SEMA6B: variants seen among roughly 807,000 people sequenced by gnomAD.
SEMA6B encodes semaphorin 6B, also known as semaphorin-6B.
SEMA6B carries 47 observed loss-of-function variants against 78.6 expected under a neutral mutation model. The ratio of observed to expected loss-of-function variants is 0.60; its 90% CI spans 0.47 to 0.76. SEMA6B has a LOEUF of 0.76. Ranked by LOEUF, SEMA6B falls within the 30% of genes least tolerant of loss-of-function variation. The pLI, the probability that SEMA6B is intolerant of heterozygous loss-of-function variation, is 0.00. For synonymous variants in SEMA6B, 632 were observed against 592.2 expected (o/e 1.07, Z -0.98); for missense variants, 1,213 against 1,269.9 (o/e 0.96, Z 0.68).
Position 4,550,490 on chromosome 19 carries a change from A to G in SEMA6B, c.1122-218T>C, listed in dbSNP as rs911132169. 6.6e-6 allele frequency among the ~76,000 whole-genome samples: 1 copy of G among 151,996 alleles called. No homozygotes were observed. The highest frequency in any genetic ancestry group is 1.5e-5 in the Non-Finnish European group (1 of 67,982). ...GCGATTCTCCTGCTTCAGCCACCCG[A>G]GTGGCTGGGATTACAGGCACGTGCC... On this transcript the variant is annotated intron_variant, in intron 11 of 16. Transcript: ENST00000586582. The surrounding 1 kb of genome is among the most constrained non-coding windows in gnomAD (Gnocchi z 6.6).
Position 4,542,710 on chromosome 19 carries a change from G to A in SEMA6B, c.*891C>T, listed in dbSNP as rs1385160804. ...GGTCAGCTGGAGGTCAGAGGGGGGA[G>A]GTCACAAGGGGACGGGTGGCATGGG... On this transcript the variant is annotated 3_prime_UTR_variant, in exon 17 of 17. Transcript: ENST00000586582. 1 of 679,700 alleles carries A rather than the reference G, an allele frequency of 1.5e-6. No homozygotes were observed. The highest frequency in any genetic ancestry group is 2.7e-6 in the Non-Finnish European group (1 of 370,952). The allele number at this position is 679,700 out of a possible 1,614,324, so 42.1% of individuals were successfully genotyped here. A position where few individuals can be genotyped will look rare whatever the true frequency, so the allele number is the denominator to read the frequency against.
At chr19:4,548,909 C>G (rs1407340240) in intron 12 of SEMA6B, among the ~76,000 whole-genome samples, 1 of 152,212 alleles carries the variant, frequency 6.6e-6, no homozygotes, top group Non-Finnish European at 1.5e-5. Context: ...GATCTCGCCT[C>G]CTGGGTTCAA....
intron 14 of SEMA6B, among the ~76,000 whole-genome samples, chr19:4,547,813 C>T (rs1446766966): frequency 2.6e-5 from 4 of 152,222 alleles, no homozygotes; most frequent in African/African-American, 9.6e-5. Flanking sequence ...TCCCTCACTC[C>T]CCCTTGCTCA....
chr19:4,555,560 T>C lies in SEMA6B; in HGVS notation c.476A>G (p.Asp159Gly), dbSNP rs1198039788. 4.3e-6 allele frequency: 7 copies of C among 1,612,700 alleles called. No homozygotes were observed. The South Asian group carries it at 6.6e-5, about 15-fold the overall frequency. ...FNPVCANYSIDTLQPVGDNIS... is the reference protein window; with the variant it reads ...FNPVCANYSIGTLQPVGDNIS... Reference sequence around the variant, plus strand: ...GTTGTCTCCGACGGGCTGCAGGGTGTCTATCTGCAGGGACCATGGGGCCTG... The same window carrying C: ...GTTGTCTCCGACGGGCTGCAGGGTGCCTATCTGCAGGGACCATGGGGCCTG... Residue 159 changes from aspartate (D) to glycine (G), a missense_variant, in exon 7 of 17, where the codon GAC (aspartate) becomes GGC (glycine). Coordinates refer to ENST00000586582, the MANE Select transcript of SEMA6B (RefSeq NM_032108.4). This position sits in a 1 kb window ranked among gnomAD's most constrained non-coding sequence, Gnocchi z 6.1.
chr19:4,558,087 C>A lies in SEMA6B; in HGVS notation c.184G>T (p.Ala62Ser). 1 of 1,527,954 alleles carries A rather than the reference C, an allele frequency of 6.5e-7. No individual in the cohort carries two copies. The highest frequency in any genetic ancestry group is 8.9e-7 in the Non-Finnish European group (1 of 1,129,370). 94.6% of individuals were successfully genotyped at this position (1,527,954 alleles called of 1,614,324 possible). A position where few individuals can be genotyped will look rare whatever the true frequency, so the allele number is the denominator to read the frequency against. Residue 62 changes from alanine to serine, a missense_variant, in exon 3 of 17, where the codon GCT (alanine) becomes TCT (serine). Physicochemically the swap from Ala to Ser is moderately conservative, Grantham distance 99. Transcript: ENST00000586582. The surrounding 1 kb of genome is among the most constrained non-coding windows in gnomAD (Gnocchi z 5.1). ...GPGRLTPAEG[A>S]DDLNIQRVLR... The stretch of plus-strand genomic sequence containing the variant: ...ACTCGCTGGATGTTGAGGTCGTCAG[C>A]ACCTTCTGCGGGGGTCAGGCGTCCG...
At chr19:4,546,854 G>A (rs1324722859) in intron 14 of SEMA6B, among the ~76,000 whole-genome samples, 1 of 152,082 alleles carries the variant, frequency 6.6e-6, no homozygotes, top group Non-Finnish European at 1.5e-5. Context: ...GACCTCAAGT[G>A]ATCCACCCGC....
Position 4,554,910 on chromosome 19 carries a change from G to C in SEMA6B, c.682+66C>G. On this transcript the variant is annotated intron_variant, in intron 8 of 16. Transcript: ENST00000586582. ...CCTCTGGGACTCTTATTCTGGTGGG[G>C]AGATTTGATGAATGTCAGGTTCTGG... 3 of 1,563,726 alleles carry C rather than the reference G, an allele frequency of 1.9e-6. No homozygotes were observed. The South Asian group carries it at 3.4e-5, about 18-fold the overall frequency.
chr19:4,548,561 C>T, intron 12 of SEMA6B, 116 bp from the exon 13 acceptor site: 1 of 944,868 alleles, frequency 1.1e-6, no homozygotes. Context: ...ACACATGTGA[C>T]AGCAATAAAT....
In SEMA6B at chr19:4,542,652, G is replaced by A. The variant is rs903632668; in HGVS notation, c.*949C>T. The stretch of plus-strand genomic sequence containing the variant: ...GCTGGGGGAGGCAAACTCCAGAGAG[G>A]GCAGAGGACCCAGCCAGCCACGTGG... On this transcript the variant is annotated 3_prime_UTR_variant, in exon 17 of 17. Transcript: ENST00000586582. 1.7e-6 allele frequency: 1 copy of A among 590,466 alleles called. No homozygotes were observed. Among genetic ancestry groups the A allele is most frequent in the African/African-American group, 1.8e-5 (1 of 54,514 alleles). 36.6% of individuals were successfully genotyped at this position (590,466 alleles called of 1,614,324 possible). A position where few individuals can be genotyped will look rare whatever the true frequency, so the allele number is the denominator to read the frequency against.
Position 4,558,959 on chromosome 19 carries a change from C to T in SEMA6B, c.-32-470G>A, listed in dbSNP as rs953482424. On this transcript the variant is annotated intron_variant, in intron 1 of 16. Coordinates refer to ENST00000586582, the MANE Select transcript of SEMA6B (RefSeq NM_032108.4). This position sits in a 1 kb window ranked among gnomAD's most constrained non-coding sequence, Gnocchi z 5.1. ...CTGTAATCCCAACATTTTGGGAGGC[C>T]GAGATGGGAGGATCATCTGAGGTCA... 1.3e-5 allele frequency among the ~76,000 whole-genome samples: 2 copies of T among 151,750 alleles called. No individual in the cohort carries two copies. The highest frequency in any genetic ancestry group is 4.8e-5 in the African/African-American group (2 of 41,294).
chr19:4,553,850 GGATA>G (rs1277084963), intron 9 of SEMA6B, among the ~76,000 whole-genome samples: 2 of 151,562 alleles, frequency 1.3e-5, no homozygotes, highest in Admixed American at 6.6e-5. Flanking sequence ...GACAGATGAT[GGATA>G]GATGGATGGA....
At chr19:4,557,636 C>T (rs1323550236) in intron 3 of SEMA6B, among the ~76,000 whole-genome samples, 3 of 152,186 alleles carry the variant, frequency 2.0e-5, no homozygotes, top group Non-Finnish European at 4.4e-5. Flanking sequence ...TGTCCGGTCT[C>T]TCTCCTTCCT....
In SEMA6B at chr19:4,556,944, A is replaced by T. The variant is rs766275318; in HGVS notation, c.369+7T>A. 2.5e-6 allele frequency: 4 copies of T among 1,612,306 alleles called. No homozygotes were observed. The African/African-American group carries it at 4.0e-5, about 16-fold the overall frequency. On this transcript the variant is annotated splice_region_variant and intron_variant, in intron 5 of 16. Transcript: ENST00000586582. ...CAGGGGCCGGGACCGAGCCAGGGCC[A>T]ACTCACCTCCTGTTTGCCCTTCATC...
chr19:4,556,924 G>C (rs775904483), intron 5 of SEMA6B, 27 bp downstream of exon 5: 38 of 1,604,826 alleles, frequency 2.4e-5, no homozygotes, highest in Non-Finnish European at 3.2e-5. Context: ...ATTCGCAGGG[G>C]CCGGGACCGA....
At chr19:4,557,289 A>C in intron 3 of SEMA6B, 66 bp from the exon 4 acceptor site, 18 of 1,194,964 alleles carry the variant, frequency 1.5e-5, no homozygotes, top group South Asian at 4.3e-5. Context: ...CATCCTTCCC[A>C]CTGCCAATGT....
rs1599784862 is a variant in SEMA6B at position 4,558,447 on chromosome 19, G to T, written c.11C>A (p.Pro4Gln). The T allele has an allele frequency of 7.2e-6, 9 of 1,249,004 alleles. No homozygotes were observed. The East Asian group carries it at 2.8e-4, about 39-fold the overall frequency. The allele number at this position is 1,249,004 out of a possible 1,614,324, so 77.4% of individuals were successfully genotyped here. Residue 4 changes from proline to glutamine, a missense_variant, in exon 2 of 17, where the codon CCG (proline) becomes CAG (glutamine). Physicochemically the swap from Pro to Gln is moderately conservative, Grantham distance 76 (BLOSUM62 -1). Coordinates refer to ENST00000586582, the MANE Select transcript of SEMA6B (RefSeq NM_032108.4). This position sits in a 1 kb window ranked among gnomAD's most constrained non-coding sequence, Gnocchi z 5.1. MQT[P>Q]RASPPRPALL... ...GGCCGGGCGGGGAGGGGACGCTCGCGGGGTCTGCATGGCGAGGGCCAGGCG... is the reference window on the plus strand; with the variant it reads ...GGCCGGGCGGGGAGGGGACGCTCGCTGGGTCTGCATGGCGAGGGCCAGGCG...
intron 12 of SEMA6B, among the ~76,000 whole-genome samples, chr19:4,549,849 G>A (rs1299593611): frequency 1.3e-5 from 2 of 152,024 alleles, no homozygotes; most frequent in African/African-American, 4.8e-5. Context: ...CTGGCCTTAG[G>A]TGATCTGGCA....
intron 12 of SEMA6B, 120 bp from the exon 13 acceptor site, chr19:4,548,565 A>G (rs1977235568): frequency 1.1e-6 from 1 of 896,410 alleles, no homozygotes. Flanking sequence ...ATGTGACAGC[A>G]ATAAATGCGT....
intron 9 of SEMA6B, 59 bp downstream of exon 9, chr19:4,554,329 C>T (rs1599781053): frequency 7.5e-7 from 1 of 1,341,546 alleles, no homozygotes; most frequent in South Asian, 1.2e-5. Flanking sequence ...TCCACCTCTG[C>T]CCCCTCACTT....
Sources: gnomAD v4.1 joint callset for allele counts (sites outside exome capture counted in the v4.1 genomes callset) on GRCh38, gnomAD v4.1.1 for gene constraint, Gnocchi (gnomAD v3.1) non-coding constraint, MANE v1.5 for transcripts, NCBI Gene and HGNC (gene_info 2026-07-23, HGNC 2026-07-21) for gene names.